Variants in ACOXL observed in about 807,000 individuals in gnomAD.
The protein encoded by ACOXL is acyl-coenzyme A oxidase-like protein.
Under a neutral mutation model 71.9 loss-of-function variants are expected in ACOXL, and 70 were observed. The observed-to-expected ratio is 0.97, with a 90% confidence interval of 0.80 to 1.19. The LOEUF is 1.19. ACOXL is among the 50% of genes most tolerant of loss of function. The probability of loss-of-function intolerance (pLI) is 0.00; values close to 1 mark genes in which losing one functional copy is unlikely to be tolerated. For missense variants in ACOXL, 703 were observed against 736.3 expected (o/e 0.95, Z 0.52); for synonymous variants, 253 against 281.6 (o/e 0.90, Z 1.02).
intron 10 of ACOXL, among the ~76,000 whole-genome samples, chr2:110,859,396 A>G (rs772803162): frequency 1.3e-5 from 2 of 152,306 alleles, no homozygotes; most frequent in Non-Finnish European, 1.5e-5. Context: ...TTTATTTGAC[A>G]TGCACAGCTG....
chr2:111,051,259 G>T (rs2066276997), intron 16 of ACOXL, among the ~76,000 whole-genome samples: 1 of 152,180 alleles, frequency 6.6e-6, no homozygotes, highest in Non-Finnish European at 1.5e-5. Context: ...CCATGTGGGT[G>T]TGACAATGGT....
intron 10 of ACOXL, among the ~76,000 whole-genome samples, chr2:110,850,724 C>T (rs956882079): frequency 2.0e-5 from 3 of 152,050 alleles, no homozygotes; most frequent in Non-Finnish European, 4.4e-5. Context: ...TGGTGGAAGG[C>T]GAAATGGTAC....
intron 12 of ACOXL, among the ~76,000 whole-genome samples, chr2:110,969,173 G>C (rs961608743): frequency 6.6e-6 from 1 of 152,148 alleles, no homozygotes; most frequent in South Asian, 2.1e-4. Flanking sequence ...AGATAAAATA[G>C]TGCTGAAAGG....
At chr2:111,016,383 G>A (rs2341657) in intron 14 of ACOXL, 123,152 of 152,108 alleles carry the variant, frequency 0.81, 50,142 homozygotes, top group Middle Eastern at 0.91. Context: ...AAGGAATCCT[G>A]GAGCTTTAAA....
intron 17 of ACOXL, among the ~76,000 whole-genome samples, chr2:111,104,485 T>A (rs2069397101): frequency 6.6e-6 from 1 of 152,206 alleles, no homozygotes; most frequent in African/African-American, 2.4e-5. Context: ...TCTCTTCACA[T>A]CCTCACTAGC....
At chr2:111,102,264 GGT>G (rs1291530741) in intron 17 of ACOXL, among the ~76,000 whole-genome samples, 2 of 152,116 alleles carry the variant, frequency 1.3e-5, no homozygotes, top group African/African-American at 4.8e-5. Flanking sequence ...AATGGGATTT[GGT>G]TTCTTCAGTT....
chr2:110,958,805 G>A (rs1358861302), intron 12 of ACOXL, among the ~76,000 whole-genome samples: 1 of 152,240 alleles, frequency 6.6e-6, no homozygotes, highest in African/African-American at 2.4e-5. Context: ...ACACCAAGGA[G>A]CCTGTGCTTC....
At chr2:110,766,301 G>T (rs1028219845) in intron 1 of ACOXL, among the ~76,000 whole-genome samples, 5 of 152,210 alleles carry the variant, frequency 3.3e-5, no homozygotes, top group Non-Finnish European at 5.9e-5. Flanking sequence ...TGTTGCTCAA[G>T]ATTGATTGAA....
chr2:110,886,799 G>A (rs1697352049), intron 10 of ACOXL: 19 of 1,551,004 alleles, frequency 1.2e-5, no homozygotes, highest in African/African-American at 5.5e-5. Context: ...TCATCTCCCA[G>A]AACTGCTGTT....
At chr2:110,918,719 G>A (rs919591193) in intron 11 of ACOXL, among the ~76,000 whole-genome samples, 4 of 152,008 alleles carry the variant, frequency 2.6e-5, no homozygotes, top group African/African-American at 9.6e-5. Flanking sequence ...AAAACAAACA[G>A]CCATATCAAA....
chr2:110,984,465 T>C (rs1485278153), intron 12 of ACOXL, among the ~76,000 whole-genome samples: 2 of 152,134 alleles, frequency 1.3e-5, no homozygotes, highest in African/African-American at 2.4e-5. Flanking sequence ...ATGGCTTCAA[T>C]CACTTAATCT....
chr2:110,967,539 A>T (rs2061985387), intron 12 of ACOXL, among the ~76,000 whole-genome samples: 1 of 152,264 alleles, frequency 6.6e-6, no homozygotes, highest in African/African-American at 2.4e-5. Flanking sequence ...CACTTCACTC[A>T]AAGTGGTAAA....
chr2:110,856,633 C>A (rs1693282924), intron 10 of ACOXL, among the ~76,000 whole-genome samples: 1 of 152,228 alleles, frequency 6.6e-6, no homozygotes, highest in African/African-American at 2.4e-5. Context: ...TTTGCTGTCA[C>A]ACCTCAAATT....
intron 1 of ACOXL, among the ~76,000 whole-genome samples, chr2:110,746,469 A>G (rs1368664569): frequency 1.3e-5 from 2 of 151,820 alleles, no homozygotes; most frequent in African/African-American, 4.8e-5. Flanking sequence ...CCACCTTCCT[A>G]CTTCCCATTT....
chr2:110,975,028 G>A (rs1162209218), intron 12 of ACOXL, among the ~76,000 whole-genome samples: 1 of 152,222 alleles, frequency 6.6e-6, no homozygotes, highest in Non-Finnish European at 1.5e-5. Flanking sequence ...CCATGCTGTG[G>A]GGCAGGCCGG....
chr2:110,892,492 C>T (rs1473002693), intron 10 of ACOXL, among the ~76,000 whole-genome samples: 1 of 152,172 alleles, frequency 6.6e-6, no homozygotes, highest in African/African-American at 2.4e-5. Flanking sequence ...ACATAAATGG[C>T]GCTCAACCAC....
chr2:110,754,967 C>T (rs1322487290), intron 1 of ACOXL, among the ~76,000 whole-genome samples: 1 of 152,212 alleles, frequency 6.6e-6, no homozygotes, highest in Non-Finnish European at 1.5e-5. Context: ...AGTTGCTCAG[C>T]ATGCTTGTTA....
At chr2:110,762,585 T>A (rs548071212) in intron 1 of ACOXL, among the ~76,000 whole-genome samples, 124 of 152,372 alleles carry the variant, frequency 8.1e-4, no homozygotes, top group African/African-American at 2.9e-3. Flanking sequence ...CCTACCACTT[T>A]GAGTGAAGTA....
At chr2:110,782,787 G>A (rs971582304) in intron 2 of ACOXL, among the ~76,000 whole-genome samples, 12 of 152,176 alleles carry the variant, frequency 7.9e-5, no homozygotes, top group African/African-American at 2.9e-4. Flanking sequence ...ATGAATAGTT[G>A]GAAATTCGGG....
Sources: allele counts gnomAD v4.1 joint callset (sites outside exome capture counted in the v4.1 genomes callset), GRCh38; gene constraint gnomAD v4.1.1; transcripts MANE v1.5; gene names NCBI Gene and HGNC (gene_info 2026-07-23, HGNC 2026-07-21).